The following FARS2 variants were observed in gnomAD, a reference collection of about 807,000 sequenced individuals.
FARS2 encodes the protein phenylalanyl-tRNA synthetase 2, mitochondrial, also known as phenylalanine--tRNA ligase, mitochondrial.
Under a neutral mutation model 46.4 loss-of-function variants are expected in FARS2, and 40 were observed. That is an observed-to-expected ratio of 0.86 (90% CI 0.67 to 1.12). The LOEUF (loss-of-function observed/expected upper bound fraction) is 1.12, where lower values mean the gene tolerates loss of function less well. FARS2 is among the 50% of genes most tolerant of loss of function. The probability of loss-of-function intolerance (pLI) is 0.00; values close to 1 mark genes in which losing one functional copy is unlikely to be tolerated. For synonymous variants in FARS2, 234 were observed against 214.9 expected (o/e 1.09, Z -0.78); for missense variants, 513 against 567.9 (o/e 0.90, Z 0.98).
At chr6:5,753,588 A>C (rs1282969607) in intron 6 of FARS2, among the ~76,000 whole-genome samples, 1 of 152,128 alleles carries the variant, frequency 6.6e-6, no homozygotes, top group Non-Finnish European at 1.5e-5. Flanking sequence ...TCACCTCCCC[A>C]TGTAACATGC....
upstream of FARS2, chr6:5,260,608 C>CT: frequency 1.5e-6 from 2 of 1,338,046 alleles, no homozygotes; most frequent in African/African-American, 1.5e-5. Context: ...TCCCCGGCCC[C>CT]TGGCCCCCCG....
chr6:5,308,023 A>G (rs1027481465), intron 1 of FARS2, among the ~76,000 whole-genome samples: 7 of 152,208 alleles, frequency 4.6e-5, no homozygotes, highest in African/African-American at 1.7e-4. Flanking sequence ...TTTTAAGGAC[A>G]GTAGGGAAGG....
intron 1 of FARS2, among the ~76,000 whole-genome samples, chr6:5,318,755 C>T (rs1769747443): frequency 6.6e-6 from 1 of 152,114 alleles, no homozygotes; most frequent in South Asian, 2.1e-4. Context: ...GCCCCATGAC[C>T]AGTCTGATTG....
chr6:5,747,932 A>G (rs1427682572), intron 6 of FARS2, among the ~76,000 whole-genome samples: 1 of 152,162 alleles, frequency 6.6e-6, no homozygotes, highest in Non-Finnish European at 1.5e-5. Context: ...TGAAGCCTCC[A>G]TTTTCTCTGA....
At chr6:5,696,850 G>A (rs1758137263) in intron 6 of FARS2, among the ~76,000 whole-genome samples, 1 of 152,130 alleles carries the variant, frequency 6.6e-6, no homozygotes, top group South Asian at 2.1e-4. Flanking sequence ...TTTGCAAGAA[G>A]CAGCATAAGT....
chr6:5,632,248 C>T (rs1173666070), intron 6 of FARS2, among the ~76,000 whole-genome samples: 2 of 152,182 alleles, frequency 1.3e-5, no homozygotes, highest in Non-Finnish European at 2.9e-5. Flanking sequence ...ACGTGCTCTA[C>T]AGGCGTTTCA....
At chr6:5,320,038 AC>A (rs1769855021) in intron 1 of FARS2, among the ~76,000 whole-genome samples, 1 of 152,250 alleles carries the variant, frequency 6.6e-6, no homozygotes, top group South Asian at 2.1e-4. Context: ...TTTAGAACAC[AC>A]AATGCTTGGG....
chr6:5,404,894 G>A (rs1761476334), intron 3 of FARS2, among the ~76,000 whole-genome samples, 193 bp downstream of exon 3: 1 of 151,464 alleles, frequency 6.6e-6, no homozygotes, highest in Admixed American at 6.6e-5. Flanking sequence ...CCACCTCCCG[G>A]GTTCAAGGAA....
At chr6:5,671,964 C>T (rs952220828) in intron 6 of FARS2, among the ~76,000 whole-genome samples, 14 of 152,154 alleles carry the variant, frequency 9.2e-5, no homozygotes, top group Non-Finnish European at 5.9e-5. Flanking sequence ...CGTGCATTTG[C>T]GGAAGACATT....
intron 1 of FARS2, among the ~76,000 whole-genome samples, chr6:5,278,135 T>G (rs1766466103): frequency 6.6e-6 from 1 of 152,234 alleles, no homozygotes; most frequent in Admixed American, 6.5e-5. Flanking sequence ...AACAGAGCCC[T>G]GAAAGATGAG....
chr6:5,671,541 G>C (rs1394389095), intron 6 of FARS2, among the ~76,000 whole-genome samples: 1 of 152,170 alleles, frequency 6.6e-6, no homozygotes, highest in Admixed American at 6.5e-5. Context: ...AGATGGTGAG[G>C]CTCCCCCTTC....
intron 1 of FARS2, among the ~76,000 whole-genome samples, chr6:5,364,940 A>G (rs1362498282): frequency 4.6e-5 from 7 of 152,122 alleles, no homozygotes; most frequent in South Asian, 4.2e-4. Context: ...GCAGGGAGCC[A>G]CTGGAGCCTG....
chr6:5,639,839 G>A (rs192384803), intron 6 of FARS2, among the ~76,000 whole-genome samples: 74 of 152,248 alleles, frequency 4.9e-4, no homozygotes, highest in African/African-American at 1.7e-3. Context: ...TCACATCCTG[G>A]GCATTGGCTG....
At chr6:5,656,456 GTTAC>G (rs1283288595) in intron 6 of FARS2, among the ~76,000 whole-genome samples, 1 of 152,204 alleles carries the variant, frequency 6.6e-6, no homozygotes, top group Non-Finnish European at 1.5e-5. Flanking sequence ...CCACTTCACT[GTTAC>G]TTACCTTGTG....
At chr6:5,478,319 A>G (rs1766246983) in intron 4 of FARS2, among the ~76,000 whole-genome samples, 2 of 152,212 alleles carry the variant, frequency 1.3e-5, no homozygotes, top group African/African-American at 2.4e-5. Flanking sequence ...GTACAGACAG[A>G]TAGGTGGTGA....
intron 6 of FARS2, among the ~76,000 whole-genome samples, chr6:5,739,331 TA>T (rs58579538): frequency 2.8e-4 from 41 of 145,982 alleles, no homozygotes; most frequent in East Asian, 8.0e-4. Context: ...CCCCCGTCTC[TA>T]AAAAAAAAAA....
At chr6:5,381,278 T>C (rs1759757795) in intron 2 of FARS2, among the ~76,000 whole-genome samples, 1 of 151,890 alleles carries the variant, frequency 6.6e-6, no homozygotes, top group Non-Finnish European at 1.5e-5. Context: ...ATTACAGGCG[T>C]GAGCCACCGC....
chr6:5,712,212 A>G (rs1488528674), intron 6 of FARS2, among the ~76,000 whole-genome samples: 3 of 152,166 alleles, frequency 2.0e-5, no homozygotes, highest in Non-Finnish European at 4.4e-5. Context: ...CATCCTCACT[A>G]TGACAGCCCT....
chr6:5,403,957 T>G (rs949404026), intron 2 of FARS2, among the ~76,000 whole-genome samples: 2 of 152,242 alleles, frequency 1.3e-5, no homozygotes, highest in African/African-American at 4.8e-5. Flanking sequence ...TTTTTATATA[T>G]TATTTTGTTT....
Sources: allele counts gnomAD v4.1 joint callset (sites outside exome capture counted in the v4.1 genomes callset), GRCh38; gene constraint gnomAD v4.1.1; transcripts MANE v1.5; gene names NCBI Gene and HGNC (gene_info 2026-07-23, HGNC 2026-07-21).